The following SHROOM2 variants were observed in gnomAD, a reference collection of about 807,000 sequenced individuals.
SHROOM2 encodes the protein protein Shroom2.
In SHROOM2, 33 loss-of-function variants were observed where a neutral mutation model predicts 75.9. The observed-to-expected ratio is 0.43, with a 90% CI of 0.33 to 0.58. The LOEUF (loss-of-function observed/expected upper bound fraction) is 0.58. Ranked by LOEUF, SHROOM2 falls within the 20% of genes least tolerant of loss-of-function variation. The pLI is 0.04. For missense variants in SHROOM2, 1,434 were observed against 1,461.2 expected, an observed-to-expected ratio of 0.98 and a Z score of 0.30; for synonymous variants, 655 against 663.6, an observed-to-expected ratio of 0.99 and a Z score of 0.20.
At chrX:9,942,101 C>T (rs2084777356) in intron 8 of SHROOM2, among the ~76,000 whole-genome samples, 1 of 111,643 alleles carries the variant, frequency 9.0e-6, no homozygotes, top group Non-Finnish European at 1.9e-5. Context: ...GGAAGTTCTT[C>T]ATGCCTGTTT....
At chrX:9,934,828 C>A (rs1189507838) in intron 6 of SHROOM2, among the ~76,000 whole-genome samples, 1 of 111,273 alleles carries the variant, frequency 9.0e-6, no homozygotes, top group African/African-American at 3.3e-5. Context: ...TATTCCCTGT[C>A]GCCCAGGCTG....
chrX:9,842,636 T>C, intron 1 of SHROOM2, among the ~76,000 whole-genome samples: 1 of 112,523 alleles, frequency 8.9e-6, no homozygotes, highest in Non-Finnish European at 1.9e-5. Context: ...TTCAAAGGAA[T>C]TCCCCCTCTT....
At chrX:9,875,110 A>AG (rs1247277489) in intron 2 of SHROOM2, among the ~76,000 whole-genome samples, 2 of 93,114 alleles carry the variant, frequency 2.1e-5, no homozygotes, top group Non-Finnish European at 4.2e-5. Flanking sequence ...AAAAAAAAAA[A>AG]GGGGAGGAAG....
rs933648472 is a variant in SHROOM2 at position 9,786,562 on chromosome X, C to T, written c.17C>T (p.Pro6Leu). Residue 6 changes from proline (P) to leucine (L), a missense_variant, in exon 1 of 10, where the codon CCC becomes CTC. By Grantham distance (98) the Pro-to-Leu change is moderately conservative. Transcript: ENST00000380913. MEGAE[P>L]RARPERLAEA... ...GGTCGCGCCATGGAGGGCGCCGAGCCCCGCGCGCGGCCCGAGCGCCTGGCC... is the reference window on the plus strand; with the variant it reads ...GGTCGCGCCATGGAGGGCGCCGAGCTCCGCGCGCGGCCCGAGCGCCTGGCC... The T allele has an allele frequency of 9.4e-6, 8 of 853,901 alleles. No homozygotes were observed. Among genetic ancestry groups the T allele is most frequent in the East Asian group, 1.3e-4 (2 of 15,150 alleles). The allele number at this position is 853,901 out of a possible 1,213,427, so 70.4% of individuals were successfully genotyped here. A position where few individuals can be genotyped will look rare whatever the true frequency, so the allele number is the denominator to read the frequency against.
intron 1 of SHROOM2, among the ~76,000 whole-genome samples, chrX:9,837,923 G>C (rs2146765842): frequency 9.0e-6 from 1 of 111,415 alleles, no homozygotes; most frequent in Admixed American, 9.5e-5. Context: ...GTATGGATCA[G>C]GCCACTGGGG....
chrX:9,930,871 T>C (rs917392947), intron 5 of SHROOM2, among the ~76,000 whole-genome samples: 1 of 110,119 alleles, frequency 9.1e-6, no homozygotes, highest in African/African-American at 3.3e-5. Flanking sequence ...GCCTTCCGAG[T>C]AGCTGGGATT....
At chrX:9,856,010 C>G (rs2084068225) in intron 1 of SHROOM2, among the ~76,000 whole-genome samples, 1 of 96,333 alleles carries the variant, frequency 1.0e-5, no homozygotes, top group Admixed American at 1.3e-4. Context: ...TTTTTAAAGA[C>G]TTAAGAATGT....
At chrX:9,871,674 G>A (rs1428094905) in intron 1 of SHROOM2, among the ~76,000 whole-genome samples, 1 of 111,983 alleles carries the variant, frequency 8.9e-6, no homozygotes, top group African/African-American at 3.2e-5. Flanking sequence ...GTGAATAATT[G>A]CTTTATTCAC....
In SHROOM2 at chrX:9,911,998, G is replaced by A. The variant is rs938618018; in HGVS notation, c.2891+13708G>A. ...CTCACACCTATAATCCCAGCACTTT[G>A]GGAGGCTGAGGCAGGAAGATCACTT... On this transcript the variant is annotated intron_variant, in intron 5 of 9. Coordinates refer to ENST00000380913, the MANE Select transcript of SHROOM2 (RefSeq NM_001649.4). Among the ~76,000 whole-genome samples the A allele has an allele frequency of 3.7e-5, 4 of 108,754 alleles. No individual in the cohort carries two copies. The Admixed American group carries it at 4.0e-4, about 11-fold the overall frequency. 94.4% of individuals were successfully genotyped at this position (108,754 alleles called of 115,157 possible).
intron 8 of SHROOM2, among the ~76,000 whole-genome samples, chrX:9,939,911 C>T (rs1438120561): frequency 9.0e-6 from 1 of 111,526 alleles, no homozygotes; most frequent in African/African-American, 3.3e-5. Flanking sequence ...CTCAGCCCCT[C>T]GAGTAGCTGG....
intron 1 of SHROOM2, among the ~76,000 whole-genome samples, chrX:9,803,078 A>T (rs1378115232): frequency 9.5e-6 from 1 of 104,802 alleles, no homozygotes; most frequent in Non-Finnish European, 1.9e-5. Flanking sequence ...ACAGGCACAC[A>T]CCACCCCAAC....
intron 2 of SHROOM2, among the ~76,000 whole-genome samples, chrX:9,876,180 T>A (rs1314515523): frequency 1.8e-5 from 2 of 112,462 alleles, no homozygotes; most frequent in Middle Eastern, 4.6e-3. Context: ...TTTATTTAAG[T>A]AGTATGTGTA....
rs61734873 is a variant in SHROOM2, at chrX:9,895,325, G to A, written c.1417G>A (p.Gly473Ser). 6.6e-4 allele frequency: 777 copies of A among 1,171,896 alleles called. 8 individuals are homozygous for A. The African/African-American group carries it at 0.012, about 19-fold the overall frequency. Residue 473 changes from glycine to serine, a missense_variant, in exon 4 of 10, where the codon GGC becomes AGC. This residue lies in a region of SHROOM2 where 1,340 missense variants were observed against 1,338.3 expected (regional missense o/e 1.00). Transcript: ENST00000380913. Reference sequence around the variant, plus strand: ...CAGCTGTGACCAGAAGCTGGGGAGCGGCTGGCAGGGTCCCCGGCCCTGTGT... The same window carrying A: ...CAGCTGTGACCAGAAGCTGGGGAGCAGCTGGCAGGGTCCCCGGCCCTGTGT... ...LSSCDQKLGS[G>S]WQGPRPCVQG...
intron 1 of SHROOM2, among the ~76,000 whole-genome samples, chrX:9,828,842 C>G (rs936310110): frequency 3.6e-5 from 4 of 111,943 alleles, no homozygotes; most frequent in African/African-American, 1.3e-4. Context: ...ACGGTTATTT[C>G]TATTTTGAAC....
In SHROOM2 at chrX:9,944,875, C is replaced by T; in HGVS notation, c.4546C>T (p.Leu1516Phe). ...SGRLARVENA[L>F]NNLDDGASPG... ...CCGCCTGGCCCGGGTGGAGAATGCCCTCAATAATTTGGACGACGGCGCTTC... is the reference window on the plus strand; with the variant it reads ...CCGCCTGGCCCGGGTGGAGAATGCCTTCAATAATTTGGACGACGGCGCTTC... Residue 1516 changes from leucine to phenylalanine, a missense_variant, in exon 9 of 10, where the codon CTC becomes TTC. By Grantham distance (22) the Leu-to-Phe change is conservative. Coordinates refer to ENST00000380913, the MANE Select transcript of SHROOM2 (RefSeq NM_001649.4). 1.7e-6 allele frequency: 2 copies of T among 1,209,930 alleles called. No homozygotes were observed. The highest frequency in any genetic ancestry group is 1.8e-5 in the South Asian group (1 of 56,558).
intron 1 of SHROOM2, among the ~76,000 whole-genome samples, chrX:9,819,658 C>T (rs1472667085): frequency 8.9e-6 from 1 of 111,766 alleles, no homozygotes; most frequent in Non-Finnish European, 1.9e-5. Context: ...AATACAGGTA[C>T]TAATGGCTGC....
chrX:9,928,105 G>C (rs760439043), intron 5 of SHROOM2, among the ~76,000 whole-genome samples: 1 of 111,927 alleles, frequency 8.9e-6, no homozygotes, highest in African/African-American at 3.2e-5. Context: ...TATAAGTTCT[G>C]TTTGGCTTTG....
chrX:9,937,041 G>A (rs1401846330), intron 6 of SHROOM2, 93 bp from the exon 7 acceptor site: 2 of 928,685 alleles, frequency 2.2e-6, no homozygotes, highest in African/African-American at 4.0e-5. Context: ...CTTTGAGTCA[G>A]GTTCCCATCC....
chrX:9,877,106 G>A (rs186631032), intron 2 of SHROOM2, among the ~76,000 whole-genome samples: 2 of 112,001 alleles, frequency 1.8e-5, no homozygotes, highest in Non-Finnish European at 3.8e-5. Context: ...ATAGGATTGC[G>A]ATGGGCCACT....
Sources: allele counts gnomAD v4.1 joint callset (sites outside exome capture counted in the v4.1 genomes callset), GRCh38; gene constraint gnomAD v4.1.1; regional missense constraint gnomAD v4.1.1; transcripts MANE v1.5; gene names NCBI Gene and HGNC (gene_info 2026-07-23, HGNC 2026-07-21).